SH2D4A: variants seen among roughly 807,000 people sequenced by gnomAD.
The protein encoded by SH2D4A is SH2 domain containing 4A.
Under a neutral mutation model 64.7 loss-of-function variants are expected in SH2D4A, and 70 were observed. The ratio of observed to expected loss-of-function variants is 1.08; its 90% CI spans 0.89 to 1.32. The LOEUF is 1.32. SH2D4A is among the 40% of genes most tolerant of loss of function. The probability of loss-of-function intolerance (pLI) is 0.00; values close to 1 mark genes in which losing one functional copy is unlikely to be tolerated. For synonymous variants in SH2D4A, 268 were observed against 200.7 expected (o/e 1.34, Z -2.83); for missense variants, 706 against 540.1 (o/e 1.31, Z -3.04).
At chr8:19,316,355 G>T (rs927340506) in intron 1 of SH2D4A, among the ~76,000 whole-genome samples, 16 of 152,230 alleles carry the variant, frequency 1.1e-4, no homozygotes, top group African/African-American at 3.9e-4. Context: ...TCATCACAGA[G>T]GTGCCATGAA....
chr8:19,314,694 C>T (rs748802136), intron 1 of SH2D4A, among the ~76,000 whole-genome samples: 2 of 152,158 alleles, frequency 1.3e-5, no homozygotes, highest in Non-Finnish European at 2.9e-5. Context: ...ATAGAAACAA[C>T]GACTTGGGTA....
chr8:19,339,249 T>G (rs987618530), intron 4 of SH2D4A, among the ~76,000 whole-genome samples: 3 of 152,226 alleles, frequency 2.0e-5, no homozygotes, highest in Non-Finnish European at 2.9e-5. Flanking sequence ...CACTGGCAGC[T>G]AATTAGATGG....
chr8:19,385,213 G>GTTT (rs372352861), intron 8 of SH2D4A, among the ~76,000 whole-genome samples: 2 of 140,492 alleles, frequency 1.4e-5, no homozygotes, highest in African/African-American at 5.2e-5. Context: ...CTGTTTTTTT[G>GTTT]TTTTTTTTTT....
intron 7 of SH2D4A, among the ~76,000 whole-genome samples, 188 bp downstream of exon 7, chr8:19,364,470 T>C (rs2052954350): frequency 1.3e-5 from 2 of 152,170 alleles, no homozygotes; most frequent in African/African-American, 4.8e-5. Flanking sequence ...CTCCCTTTTT[T>C]AGCTGTCAAA....
intron 4 of SH2D4A, among the ~76,000 whole-genome samples, chr8:19,354,214 G>T (rs1252195660): frequency 6.6e-6 from 1 of 151,774 alleles, no homozygotes; most frequent in African/African-American, 2.4e-5. Context: ...TGGGCCAGAC[G>T]GGTCTCGAAC....
At chr8:19,393,675 TAATTCTTCCTGATAATCAG>T (rs1363238760) in intron 9 of SH2D4A, 134 bp downstream of exon 9, 2 of 776,358 alleles carry the variant, frequency 2.6e-6, no homozygotes, top group Non-Finnish European at 2.0e-6. Context: ...TTGTCTTTGA[TAATTCTTCCTGATAATCAG>T]GATTGTTAAT....
chr8:19,371,296 A>G (rs2053091026), intron 7 of SH2D4A, among the ~76,000 whole-genome samples: 1 of 152,086 alleles, frequency 6.6e-6, no homozygotes, highest in African/African-American at 2.4e-5. Context: ...TTGTGTGGAA[A>G]AATCTTTCTC....
chr8:19,355,016 A>T (rs1423721731), intron 4 of SH2D4A, among the ~76,000 whole-genome samples: 1 of 152,246 alleles, frequency 6.6e-6, no homozygotes, highest in Non-Finnish European at 1.5e-5. Flanking sequence ...GATGTAGAGC[A>T]GCGAAGTATC....
chr8:19,383,393 G>T (rs76165574), intron 8 of SH2D4A, among the ~76,000 whole-genome samples: 2,665 of 141,674 alleles, frequency 0.019, 22 homozygotes, highest in Middle Eastern at 0.032. Context: ...TTTGTTCTTG[G>T]TTTTTTTTTT....
intron 8 of SH2D4A, among the ~76,000 whole-genome samples, chr8:19,378,307 T>C (rs1191059297): frequency 1.3e-5 from 2 of 152,244 alleles, no homozygotes; most frequent in African/African-American, 4.8e-5. Context: ...TTTTCCTTTA[T>C]AGTTTCTGCT....
chr8:19,358,499 G>A (rs1198095424), intron 5 of SH2D4A, among the ~76,000 whole-genome samples: 1 of 152,150 alleles, frequency 6.6e-6, no homozygotes, highest in Admixed American at 6.5e-5. Context: ...GGCAGTATTG[G>A]AGCAGAGACC....
chr8:19,351,071 A>T (rs1034862563), intron 4 of SH2D4A, among the ~76,000 whole-genome samples: 1 of 152,126 alleles, frequency 6.6e-6, no homozygotes, highest in Non-Finnish European at 1.5e-5. Context: ...TATTCTTTAT[A>T]ACTTTATTGA....
At position 19,395,844 on chromosome 8, in the gene SH2D4A, T is replaced by C. The variant is rs2053581512; in HGVS notation, c.*1202T>C. ...TGCTGAGTTCATGCTGACTTGTTAC[T>C]ATAGCCCCAGAAAGCTAATACAGTC... On this transcript the variant is annotated 3_prime_UTR_variant, in exon 10 of 10. Coordinates refer to ENST00000265807, the MANE Select transcript of SH2D4A (RefSeq NM_022071.4). 1 of 152,202 alleles carries C rather than the reference T, an allele frequency of 6.6e-6. No individual in the cohort carries two copies. The allele number at this position is 152,202 out of a possible 1,614,324, so 9.4% of individuals were successfully genotyped here.
At chr8:19,334,458 T>C (rs2052412616) in intron 3 of SH2D4A, among the ~76,000 whole-genome samples, 1 of 152,194 alleles carries the variant, frequency 6.6e-6, no homozygotes, top group African/African-American at 2.4e-5. Flanking sequence ...ACAAAATTTC[T>C]TGGAGCTCTT....
intron 5 of SH2D4A, 108 bp from the exon 6 acceptor site, chr8:19,361,095 T>G: frequency 2.1e-6 from 1 of 487,210 alleles, no homozygotes; most frequent in Non-Finnish European, 3.4e-6. Flanking sequence ...TAGATAGAAG[T>G]CAGCTGTGCC....
chr8:19,381,272 A>T (rs1344827913), intron 8 of SH2D4A, among the ~76,000 whole-genome samples: 1 of 151,906 alleles, frequency 6.6e-6, no homozygotes, highest in African/African-American at 2.4e-5. Context: ...CTGGTCTTGA[A>T]CTCCTGACCT....
At chr8:19,363,702 T>C (rs141740272) in intron 6 of SH2D4A, 101 of 306,026 alleles carry the variant, frequency 3.3e-4, no homozygotes, top group African/African-American at 2.1e-3. Flanking sequence ...GGCGTGACAA[T>C]TGCCTCTTAT....
chr8:19,345,423 G>A (rs994516587), intron 4 of SH2D4A, among the ~76,000 whole-genome samples: 2 of 152,226 alleles, frequency 1.3e-5, no homozygotes, highest in Admixed American at 6.5e-5. Context: ...TTGCCATACC[G>A]TTTCAGCGAA....
chr8:19,379,157 C>G (rs1238216985), intron 8 of SH2D4A, among the ~76,000 whole-genome samples: 1 of 152,042 alleles, frequency 6.6e-6, no homozygotes, highest in African/African-American at 2.4e-5. Context: ...CTGAAACTAC[C>G]CATTTAATAA....
Sources: allele counts gnomAD v4.1 joint callset (sites outside exome capture counted in the v4.1 genomes callset), GRCh38; gene constraint gnomAD v4.1.1; transcripts MANE v1.5; gene names NCBI Gene and HGNC (gene_info 2026-07-23, HGNC 2026-07-21).